The following NECAP1 variants were observed in gnomAD, a reference collection of about 807,000 sequenced individuals.
NECAP1 encodes NECAP endocytosis associated 1, also known as adaptin ear-binding coat-associated protein 1.
A neutral mutation model predicts 33.4 loss-of-function variants in NECAP1; 13 were observed. The observed-to-expected ratio is 0.39, with a 90% CI of 0.25 to 0.62. The LOEUF (loss-of-function observed/expected upper bound fraction) is 0.62, where lower values mean the gene tolerates loss of function less well. Ranked by LOEUF, NECAP1 falls within the 20% of genes least tolerant of loss-of-function variation. The pLI is 0.52. For synonymous variants in NECAP1, 109 were observed against 125.2 expected, an observed-to-expected ratio of 0.87 and a Z score of 0.86; for missense variants, 272 against 347.4, an observed-to-expected ratio of 0.78 and a Z score of 1.73.
Position 8,089,962 on chromosome 12 carries a change from C to T in NECAP1, c.122C>T (p.Pro41Leu). 7 of 1,614,162 alleles carry T rather than the reference C, an allele frequency of 4.3e-6. No individual in the cohort carries two copies. Among genetic ancestry groups the T allele is most frequent in the Non-Finnish European group, 5.9e-6 (7 of 1,180,028 alleles). Residue 41 changes from proline (P) to leucine (L), a missense_variant, in exon 2 of 8, where the codon CCT becomes CTT. Coordinates refer to ENST00000339754, the MANE Select transcript of NECAP1 (RefSeq NM_015509.4). The part of the protein sequence containing the change: ...YRASDWKLDQ[P>L]DWTGRLRITS... ...GCCTCTGACTGGAAATTAGACCAGC[C>T]TGATTGGACTGGTCGCCTCCGAATC...
intron 6 of NECAP1, among the ~76,000 whole-genome samples, chr12:8,094,261 A>G (rs1051254533): frequency 4.6e-5 from 7 of 152,210 alleles, no homozygotes; most frequent in African/African-American, 1.4e-4. Flanking sequence ...GTAGATTAAC[A>G]TGCAGTTGTA....
At chr12:8,095,521 T>C in intron 6 of NECAP1, 80 bp from the exon 7 acceptor site, 1 of 1,094,192 alleles carries the variant, frequency 9.1e-7, no homozygotes, top group Non-Finnish European at 1.3e-6. Flanking sequence ...GTGCTGGGAT[T>C]ACAGGCGTGA....
intron 1 of NECAP1, among the ~76,000 whole-genome samples, chr12:8,085,926 A>T (rs942109272): frequency 2.0e-5 from 3 of 151,882 alleles, no homozygotes; most frequent in East Asian, 3.9e-4. Context: ...GCTGGTCTTG[A>T]ACTCCTGGCC....
At chr12:8,083,421 CTTTTTTTTTTTTTTT>C (rs71042328) in intron 1 of NECAP1, among the ~76,000 whole-genome samples, 7 of 65,840 alleles carry the variant, frequency 1.1e-4, no homozygotes, top group Admixed American at 9.4e-4. Flanking sequence ...TTTGTTTGTT[CTTTTTTTTTTTTTTT>C]TTTTTTTTTT....
At chr12:8,095,928 T>C in intron 7 of NECAP1, 114 bp from the exon 8 acceptor site, 3 of 1,350,434 alleles carry the variant, frequency 2.2e-6, no homozygotes, top group Non-Finnish European at 3.1e-6. Context: ...AGAATTGCCA[T>C]GAAGTGTGGT....
Position 8,092,734 on chromosome 12 carries a change from A to G in NECAP1, c.442A>G (p.Lys148Glu), listed in dbSNP as rs368565295. Residue 148 changes from lysine to glutamate, a missense_variant, in exon 5 of 8, where the codon AAG (lysine) becomes GAG (glutamate). Coordinates refer to ENST00000339754, the MANE Select transcript of NECAP1 (RefSeq NM_015509.4). The stretch of plus-strand genomic sequence containing the variant: ...ATCTCAAGAAATGGATGCTCGTCCT[A>G]AGTTGGATCTGGGCTTCAAGGAAGG... ...KESQEMDARP[K>E]LDLGFKEGQT... The G allele has an allele frequency of 3.1e-6, 5 of 1,613,922 alleles. No homozygotes were observed. Among genetic ancestry groups the G allele is most frequent in the African/African-American group, 2.7e-5 (2 of 74,942 alleles).
chr12:8,090,615 C>G, intron 3 of NECAP1: 1 of 234,742 alleles, frequency 4.3e-6, no homozygotes, highest in Non-Finnish European at 8.7e-6. Flanking sequence ...TTGAGGCCAG[C>G]CTGACCAATA....
intron 1 of NECAP1, among the ~76,000 whole-genome samples, chr12:8,085,776 T>C (rs1267648326): frequency 7.1e-6 from 1 of 141,006 alleles, no homozygotes; most frequent in African/African-American, 2.7e-5. Flanking sequence ...TGATCATGGC[T>C]CACTGCAATC....
chr12:8,082,489 C>T (rs1947448683), intron 1 of NECAP1, 106 bp downstream of exon 1: 2 of 1,019,862 alleles, frequency 2.0e-6, no homozygotes, highest in Non-Finnish European at 2.9e-6. Context: ...TCTGTATTGT[C>T]ACCTTGCTAG....
chr12:8,092,529 CT>C, intron 4 of NECAP1, 146 bp from the exon 5 acceptor site: 3 of 596,420 alleles, frequency 5.0e-6, no homozygotes, highest in Admixed American at 3.2e-5. Context: ...TCTTTCTTGG[CT>C]TTTTTCCCTT....
Position 8,082,310 on chromosome 12 carries a change from G to C in NECAP1, c.22G>C (p.Glu8Gln). Residue 8 changes from glutamate (E) to glutamine (Q), a missense_variant, in exon 1 of 8, where the codon GAG becomes CAG. Physicochemically the swap from Glu to Gln is conservative, Grantham distance 29. Transcript: ENST00000339754. MATELEY[E>Q]SVLCVKPDVS... ...CAAGATGGCGACCGAGTTGGAGTAC[G>C]AGTCTGTGCTGTGTGTGAAGCCAGA... 9 of 1,604,214 alleles carry C rather than the reference G, an allele frequency of 5.6e-6. No individual in the cohort carries two copies. The highest frequency in any genetic ancestry group is 7.7e-6 in the Non-Finnish European group (9 of 1,171,756).
rs1174517577 is a variant in NECAP1, at chr12:8,097,292, C to T, written c.*1202C>T. The T allele has an allele frequency of 6.6e-6, 1 of 152,588 alleles. No homozygotes were observed. The highest frequency in any genetic ancestry group is 1.5e-5 in the Non-Finnish European group (1 of 68,044). The allele number at this position is 152,588 out of a possible 1,614,324, so 9.5% of individuals were successfully genotyped here. On this transcript the variant is annotated 3_prime_UTR_variant, in exon 8 of 8. Coordinates refer to ENST00000339754, the MANE Select transcript of NECAP1 (RefSeq NM_015509.4). ...CAATGCTGTGAAAAAAGTTCTGCTTCTTAGGTGAATGGGTACTTTCTATTT... is the reference window on the plus strand; with the variant it reads ...CAATGCTGTGAAAAAAGTTCTGCTTTTTAGGTGAATGGGTACTTTCTATTT...
At chr12:8,083,594 T>G (rs1236188197) in intron 1 of NECAP1, among the ~76,000 whole-genome samples, 1 of 151,922 alleles carries the variant, frequency 6.6e-6, no homozygotes, top group Non-Finnish European at 1.5e-5. Context: ...CACACCTGGC[T>G]AATTTTTGTA....
intron 1 of NECAP1, among the ~76,000 whole-genome samples, chr12:8,088,197 T>A (rs1180110401): frequency 6.6e-6 from 1 of 152,220 alleles, no homozygotes; most frequent in South Asian, 2.1e-4. Flanking sequence ...CCAGCCCAGA[T>A]GTCTTTCTTG....
In NECAP1 at chr12:8,097,325, A is replaced by T. The variant is rs1014877505; in HGVS notation, c.*1235A>T. 2.6e-5 allele frequency: 4 copies of T among 152,652 alleles called. No individual in the cohort carries two copies. Among genetic ancestry groups the T allele is most frequent in the Non-Finnish European group, 5.9e-5 (4 of 68,038 alleles). 9.5% of individuals were successfully genotyped at this position (152,652 alleles called of 1,614,324 possible). On this transcript the variant is annotated 3_prime_UTR_variant, in exon 8 of 8. Coordinates refer to ENST00000339754, the MANE Select transcript of NECAP1 (RefSeq NM_015509.4). ...AATGGGTACTTTCTATTTTGTTTCT[A>T]AACGAGCAATTTTGAGGATGAAATG...
intron 1 of NECAP1, chr12:8,089,511 C>T (rs921490958): frequency 1.2e-4 from 19 of 158,222 alleles, no homozygotes; most frequent in South Asian, 5.4e-4. Context: ...TTCAGGCGCA[C>T]GCCACCATAA....
At chr12:8,088,425 C>T (rs1253232608) in intron 1 of NECAP1, among the ~76,000 whole-genome samples, 1 of 152,156 alleles carries the variant, frequency 6.6e-6, no homozygotes, top group Non-Finnish European at 1.5e-5. Flanking sequence ...GCTGCTTTTA[C>T]CCTAAATATA....
At chr12:8,093,167 C>T (rs1947565211) in intron 6 of NECAP1, 112 bp downstream of exon 6, 1 of 1,048,384 alleles carries the variant, frequency 9.5e-7, no homozygotes, top group Admixed American at 2.4e-5. Flanking sequence ...ATGGTACTGA[C>T]AAGGTGATTC....
chr12:8,095,850 G>C (rs1947589085), intron 7 of NECAP1, 147 bp downstream of exon 7: 1 of 1,082,274 alleles, frequency 9.2e-7, no homozygotes, highest in Admixed American at 2.2e-5. Context: ...ATATAGTAGT[G>C]CTGGGAATGG....
Sources: gnomAD v4.1 joint callset for allele counts (sites outside exome capture counted in the v4.1 genomes callset) on GRCh38, gnomAD v4.1.1 for gene constraint, MANE v1.5 for transcripts, NCBI Gene and HGNC (gene_info 2026-07-23, HGNC 2026-07-21) for gene names.